The following PRMT8 variants were observed in gnomAD, a reference collection of about 807,000 sequenced individuals.
PRMT8 encodes the protein protein arginine N-methyltransferase 8.
A neutral mutation model predicts 47.1 loss-of-function variants in PRMT8; 7 were observed. The ratio of observed to expected loss-of-function variants is 0.15; its 90% confidence interval spans 0.08 to 0.28. The LOEUF is 0.28. Among genes scored for constraint, PRMT8 ranks in the 10% least tolerant of loss-of-function variants. The pLI is 1.00. For missense variants in PRMT8, 237 were observed against 505.4 expected, an observed-to-expected ratio of 0.47 and a Z score of 5.09; for synonymous variants, 188 against 186.5, an observed-to-expected ratio of 1.01 and a Z score of -0.07.
chr12:3,437,297 T>G (rs561328158), intron 1 of PRMT8, among the ~76,000 whole-genome samples: 5 of 152,150 alleles, frequency 3.3e-5, no homozygotes, highest in Non-Finnish European at 7.3e-5. Flanking sequence ...CTAGCTGATT[T>G]ATTTATAATA....
chr12:3,538,563 G>A lies in PRMT8; in HGVS notation c.76-2043G>A. ...GAGAGCCTTGGAACCAGAGTGGAGT[G>A]ACAGCTAAGGGGTGCTGGAGGCCCC... On this transcript the variant is annotated intron_variant, in intron 1 of 9. Transcript: ENST00000382622. The surrounding 1 kb of genome is among the most constrained non-coding windows in gnomAD (Gnocchi z 4.6). 1 of 512,642 alleles carries A rather than the reference G, an allele frequency of 2.0e-6. No individual in the cohort carries two copies. The highest frequency in any genetic ancestry group is 3.9e-6 in the Non-Finnish European group (1 of 256,384). The allele number at this position is 512,642 out of a possible 1,614,324, so 31.8% of individuals were successfully genotyped here.
rs77802705 is a variant in PRMT8 at position 3,557,460 on chromosome 12, G to A, written c.481+3746G>A. 5.2e-3 allele frequency among the ~76,000 whole-genome samples: 798 copies of A among 152,300 alleles called. 13 individuals carry two copies. Among genetic ancestry groups the A allele is most frequent in the African/African-American group, 0.018 (756 of 41,560 alleles). ...TGGCCACAAGTGGAGCTGCGATCCT[G>A]AGGCCCAAGTAGGGGGATGCTGCTC... On this transcript the variant is annotated intron_variant, in intron 4 of 9. Coordinates refer to ENST00000382622, the MANE Select transcript of PRMT8 (RefSeq NM_019854.5). This position sits in a 1 kb window ranked among gnomAD's most constrained non-coding sequence, Gnocchi z 4.7.
At chr12:3,437,170 T>C (rs1478322604) in intron 1 of PRMT8, among the ~76,000 whole-genome samples, 1 of 152,158 alleles carries the variant, frequency 6.6e-6, no homozygotes, top group Admixed American at 6.5e-5. Context: ...TAGAAACTTA[T>C]CACATACACA....
chr12:3,391,433 C>T (rs1864191879), intron 1 of PRMT8, among the ~76,000 whole-genome samples: 1 of 152,176 alleles, frequency 6.6e-6, no homozygotes, highest in Non-Finnish European at 1.5e-5. Flanking sequence ...GGAGAGGGAA[C>T]AGCCAGCACA....
intron 1 of PRMT8, among the ~76,000 whole-genome samples, chr12:3,481,994 A>G (rs1865278614): frequency 6.6e-6 from 1 of 152,212 alleles, no homozygotes; most frequent in Non-Finnish European, 1.5e-5. Flanking sequence ...GAATGGCTTC[A>G]GGGACTCTGT....
intron 8 of PRMT8, among the ~76,000 whole-genome samples, chr12:3,589,997 A>G (rs1048151183): frequency 2.0e-5 from 3 of 152,218 alleles, no homozygotes; most frequent in Non-Finnish European, 4.4e-5. Flanking sequence ...ATAACCAGGA[A>G]CTATCTTTTG....
At chr12:3,523,032 T>C (rs1865903940) in intron 1 of PRMT8, among the ~76,000 whole-genome samples, 1 of 151,860 alleles carries the variant, frequency 6.6e-6, no homozygotes, top group South Asian at 2.1e-4. Flanking sequence ...ATCAAACTAA[T>C]AGTCAGCAGA....
chr12:3,565,161 T>G (rs1866698632), intron 4 of PRMT8, among the ~76,000 whole-genome samples: 1 of 152,190 alleles, frequency 6.6e-6, no homozygotes, highest in African/African-American at 2.4e-5. Context: ...TCTCCACCAG[T>G]GAATCTTGCA....
chr12:3,451,100 G>A (rs1216467504), intron 1 of PRMT8, among the ~76,000 whole-genome samples: 1 of 126,608 alleles, frequency 7.9e-6, no homozygotes, highest in Non-Finnish European at 1.5e-5. Context: ...ACACATTGCT[G>A]GTCTACGCCA....
rs776247025 is a variant in PRMT8, at chr12:3,576,956, G to A, written c.798G>A (p.Lys266=). 14 of 1,614,078 alleles carry A rather than the reference G, an allele frequency of 8.7e-6. No individual in the cohort carries two copies. In the African/African-American group the frequency reaches 1.3e-4, roughly 15 times the overall value. The change falls in exon 7 of 10, where the codon AAG becomes AAA. Residue 266 remains lysine, a synonymous_variant. Coordinates refer to ENST00000382622, the MANE Select transcript of PRMT8 (RefSeq NM_019854.5). This position sits in a 1 kb window ranked among gnomAD's most constrained non-coding sequence, Gnocchi z 4.0. ...KEPLVDIVDP[K]QVVTNACLIK... ...CTCTAGTGGACATCGTGGATCCAAAGCAAGTGGTGACCAATGCCTGTTTGA... is the reference window on the plus strand; with the variant it reads ...CTCTAGTGGACATCGTGGATCCAAAACAAGTGGTGACCAATGCCTGTTTGA...
chr12:3,433,875 A>T (rs1258467248), intron 1 of PRMT8, among the ~76,000 whole-genome samples: 1 of 152,180 alleles, frequency 6.6e-6, no homozygotes, highest in Non-Finnish European at 1.5e-5. Flanking sequence ...AAGTGCTGGG[A>T]TTACAGGCGT....
At chr12:3,404,438 C>T (rs1024959604) in intron 1 of PRMT8, among the ~76,000 whole-genome samples, 3 of 152,124 alleles carry the variant, frequency 2.0e-5, no homozygotes, top group East Asian at 1.9e-4. Flanking sequence ...AATGAGTTAT[C>T]GCTAAGTGAA....
intron 1 of PRMT8, among the ~76,000 whole-genome samples, chr12:3,437,620 G>C (rs1306030051): frequency 2.1e-5 from 1 of 47,468 alleles, no homozygotes; most frequent in African/African-American, 6.5e-5. Context: ...TGTGCATTCA[G>C]GCTATATATA....
At chr12:3,479,435 T>A (rs75647304) in intron 1 of PRMT8, among the ~76,000 whole-genome samples, 11,027 of 152,292 alleles carry the variant, frequency 0.072, 501 homozygotes, top group Non-Finnish European at 0.1. Context: ...TGGCTAATTT[T>A]TTTTAGTCCT....
At chr12:3,464,401 A>G (rs572578595) in intron 1 of PRMT8, among the ~76,000 whole-genome samples, 30 of 152,320 alleles carry the variant, frequency 2.0e-4, no homozygotes, top group African/African-American at 7.2e-4. Flanking sequence ...ACTTTCTTCA[A>G]CTTGCTATAT....
chr12:3,511,922 C>T (rs1198086866), intron 1 of PRMT8, among the ~76,000 whole-genome samples: 1 of 152,236 alleles, frequency 6.6e-6, no homozygotes, highest in East Asian at 1.9e-4. Context: ...GCTGGCTTAT[C>T]TCCCAGGACA....
intron 1 of PRMT8, among the ~76,000 whole-genome samples, chr12:3,518,787 CTG>C (rs1865833869): frequency 6.6e-6 from 1 of 152,182 alleles, no homozygotes; most frequent in Non-Finnish European, 1.5e-5. Flanking sequence ...GAGACTCCCT[CTG>C]TGTTTCTGCA....
intron 1 of PRMT8, among the ~76,000 whole-genome samples, chr12:3,472,647 T>C (rs1363365481): frequency 6.6e-6 from 1 of 152,214 alleles, no homozygotes; most frequent in African/African-American, 2.4e-5. Flanking sequence ...CAGTAAGCTT[T>C]GATGGCTGTA....
At chr12:3,589,929 G>A (rs1867262948) in intron 8 of PRMT8, among the ~76,000 whole-genome samples, 1 of 152,166 alleles carries the variant, frequency 6.6e-6, no homozygotes. Context: ...TGTCTGAGCT[G>A]GTGTAGGTGG....
Sources: allele counts gnomAD v4.1 joint callset (sites outside exome capture counted in the v4.1 genomes callset), GRCh38; gene constraint gnomAD v4.1.1; non-coding constraint Gnocchi (gnomAD v3.1); transcripts MANE v1.5; gene names NCBI Gene and HGNC (gene_info 2026-07-23, HGNC 2026-07-21).